GLIS3: variants seen among roughly 807,000 people sequenced by gnomAD.
GLIS3 encodes the protein zinc finger protein GLIS3.
Under a neutral mutation model 78.6 loss-of-function variants are expected in GLIS3, and 53 were observed. The observed-to-expected ratio is 0.67, with a 90% CI of 0.54 to 0.85. The LOEUF (loss-of-function observed/expected upper bound fraction) is 0.85, where lower values mean the gene tolerates loss of function less well. Ranked by LOEUF, GLIS3 falls within the 40% of genes least tolerant of loss-of-function variation. GLIS3 has a pLI of 0.00. For missense variants in GLIS3, 1,703 were observed against 1,231.1 expected (o/e 1.38, Z -5.74); for synonymous variants, 684 against 509.9 (o/e 1.34, Z -4.60).
chr9:4,319,858 T>A (rs1817496002), intron 2 of GLIS3, among the ~76,000 whole-genome samples: 1 of 152,184 alleles, frequency 6.6e-6, no homozygotes, highest in African/African-American at 2.4e-5. Context: ...ACTTGATCAG[T>A]AATATGAGTA....
intron 4 of GLIS3, among the ~76,000 whole-genome samples, chr9:4,011,708 T>C (rs1035371492): frequency 6.6e-6 from 1 of 152,176 alleles, no homozygotes; most frequent in Admixed American, 6.5e-5. Context: ...TGATTTTTGG[T>C]AAATTACTTT....
intron 8 of GLIS3, chr9:3,878,942 T>C (rs747840854): frequency 3.0e-5 from 5 of 165,524 alleles, no homozygotes; most frequent in Non-Finnish European, 6.7e-5. Context: ...GGAGTAAAAA[T>C]ATCATGAAGA....
chr9:3,884,794 G>A (rs750271597), intron 7 of GLIS3, among the ~76,000 whole-genome samples: 5 of 151,958 alleles, frequency 3.3e-5, no homozygotes, highest in African/African-American at 9.7e-5. Flanking sequence ...ATTCAAATCC[G>A]GGAAGCCTGA....
At chr9:3,925,604 C>CGTGTGTGTGCGTGTGCGT (rs1341179729) in intron 6 of GLIS3, among the ~76,000 whole-genome samples, 1 of 146,638 alleles carries the variant, frequency 6.8e-6, no homozygotes, top group East Asian at 2.0e-4. Context: ...TGCGTGTGCG[C>CGTGTGTGTGCGTGTGCGT]GCGTGTGTGT....
intron 4 of GLIS3, among the ~76,000 whole-genome samples, chr9:4,079,922 A>G (rs2130691667): frequency 6.6e-6 from 1 of 152,246 alleles, no homozygotes; most frequent in Non-Finnish European, 1.5e-5. Context: ...AAATAAGAAA[A>G]AGGTAGTTAT....
At chr9:4,445,234 T>C in the GLIS3 span, among the ~76,000 whole-genome samples, 1 of 152,206 alleles carries the variant, frequency 6.6e-6, no homozygotes, top group Non-Finnish European at 1.5e-5. Flanking sequence ...AAGAAATGTA[T>C]ATGAAACCCT....
intron 2 of GLIS3, among the ~76,000 whole-genome samples, chr9:4,326,490 C>T (rs1817602744): frequency 6.6e-6 from 1 of 151,842 alleles, no homozygotes; most frequent in African/African-American, 2.4e-5. Flanking sequence ...GAAGTATTTA[C>T]AGTAGTAAAA....
chr9:4,340,150 C>G (rs1159341189), intron 2 of GLIS3, among the ~76,000 whole-genome samples: 2 of 151,854 alleles, frequency 1.3e-5, no homozygotes, highest in African/African-American at 4.8e-5. Context: ...CTACAGCCTT[C>G]TCCATACTTT....
At position 4,338,024 on chromosome 9, in the gene GLIS3, CTGTGTGTGTGTGTGTG is replaced by C. The variant is rs74777663; in HGVS notation, n.264+9041_264+9056del. 4.5e-3 allele frequency among the ~76,000 whole-genome samples: 623 copies of C among 139,072 alleles called. 7 individuals are homozygous for C. Among genetic ancestry groups the C allele is most frequent in the South Asian group, 0.029 (123 of 4,240 alleles). The allele number at this position is 139,072 out of a possible 152,430, so 91.2% of individuals were successfully genotyped here. On this transcript the variant is annotated intron_variant and non_coding_transcript_variant, in intron 2 of 4. Transcript: ENST00000471664. ...TGTCTAACTGGTAAGATTGGCAAGGCTGTGTGTGTGTGTGTGTGTGTGTGTGTGTGTGTGTGTGTTT... is the reference window on the plus strand; with the variant it reads ...TGTCTAACTGGTAAGATTGGCAAGGCTGTGTGTGTGTGTGTGTGTGTGTTT...
intron 2 of GLIS3, among the ~76,000 whole-genome samples, chr9:4,168,287 T>G (rs1483559231): frequency 6.6e-6 from 1 of 152,070 alleles, no homozygotes; most frequent in African/African-American, 2.4e-5. Context: ...AAATAAAGGG[T>G]TTTTTTCCTA....
intron 2 of GLIS3, among the ~76,000 whole-genome samples, chr9:4,334,125 G>A (rs918067246): frequency 6.6e-6 from 1 of 152,186 alleles, no homozygotes; most frequent in Non-Finnish European, 1.5e-5. Context: ...TGACTGAGCA[G>A]TGAGATCTCA....
At chr9:4,136,789 G>C (rs1052668586) in intron 2 of GLIS3, among the ~76,000 whole-genome samples, 8 of 152,156 alleles carry the variant, frequency 5.3e-5, no homozygotes, top group African/African-American at 1.9e-4. Context: ...TAGAGGGTTG[G>C]TTCAATCAGC....
intron 1 of GLIS3, among the ~76,000 whole-genome samples, chr9:4,289,572 C>A (rs1453187477): frequency 6.6e-6 from 1 of 151,932 alleles, no homozygotes; most frequent in East Asian, 1.9e-4. Flanking sequence ...GGAAGAGCAC[C>A]TTTCTAGTTA....
rs140634366 is a variant in GLIS3, at chr9:4,060,857, C to T, written c.1710+56911G>A. On this transcript the variant is annotated intron_variant, in intron 4 of 10. Transcript: ENST00000381971. ...TTATTCTTCTCTGTAGTTCATCCAGCCTCTGCCCAGGAATCAAAATTCTCA... is the reference window on the plus strand; with the variant it reads ...TTATTCTTCTCTGTAGTTCATCCAGTCTCTGCCCAGGAATCAAAATTCTCA... Among the ~76,000 whole-genome samples the T allele has an allele frequency of 3.8e-3, 580 of 152,294 alleles. 5 individuals are homozygous for T. The highest frequency in any genetic ancestry group is 0.013 in the African/African-American group (550 of 41,542).
At chr9:4,124,695 G>A (rs892602948) in intron 3 of GLIS3, among the ~76,000 whole-genome samples, 3 of 152,138 alleles carry the variant, frequency 2.0e-5, no homozygotes, top group African/African-American at 7.2e-5. Context: ...TGACTAGGAG[G>A]GACAGCACAG....
intron 2 of GLIS3, among the ~76,000 whole-genome samples, chr9:4,283,253 GT>G (rs986593411): frequency 2.2e-5 from 2 of 90,080 alleles, no homozygotes; most frequent in Non-Finnish European, 3.9e-5. Flanking sequence ...TTACTGTGCT[GT>G]TTTTTTGTTT....
At position 4,166,267 on chromosome 9, in the gene GLIS3, T is replaced by C. The variant is rs984684954; in HGVS notation, c.389-40326A>G. ...TAGGAATTGAAGAGATCTATAGGGT[T>C]GATGGTGACTAGGAGCAACTCAGAT... On this transcript the variant is annotated intron_variant, in intron 2 of 10. Transcript: ENST00000381971. 9.2e-5 allele frequency among the ~76,000 whole-genome samples: 14 copies of C among 152,146 alleles called. No homozygotes were observed. The East Asian group carries it at 2.7e-3, about 29-fold the overall frequency.
At chr9:4,126,586 C>A (rs1832600811) in intron 2 of GLIS3, among the ~76,000 whole-genome samples, 1 of 152,104 alleles carries the variant, frequency 6.6e-6, no homozygotes, top group Non-Finnish European at 1.5e-5. Context: ...TAGTAACAAT[C>A]TTTCAGTGTA....
chr9:4,269,033 C>A (rs1450657799), intron 2 of GLIS3, among the ~76,000 whole-genome samples: 1 of 152,232 alleles, frequency 6.6e-6, no homozygotes, highest in Admixed American at 6.5e-5. Context: ...CTTTCCCTGA[C>A]TGGATGCTGG....
Sources: gnomAD v4.1 joint callset for allele counts (sites outside exome capture counted in the v4.1 genomes callset) on GRCh38, gnomAD v4.1.1 for gene constraint, MANE v1.5 for transcripts, NCBI Gene and HGNC (gene_info 2026-07-23, HGNC 2026-07-21) for gene names.